CAPZB: variants seen among roughly 807,000 people sequenced by gnomAD.
CAPZB encodes capping actin protein of muscle Z-line subunit beta.
Under a neutral mutation model 38.1 loss-of-function variants are expected in CAPZB, and 2 were observed. That is an observed-to-expected ratio of 0.05 (90% CI 0.02 to 0.17). The LOEUF is 0.17. Ranked by LOEUF, CAPZB falls within the 10% of genes least tolerant of loss-of-function variation. CAPZB has a pLI of 1.00. For synonymous variants in CAPZB, 107 were observed against 127.4 expected (o/e 0.84, Z 1.08); for missense variants, 161 against 334.2 (o/e 0.48, Z 4.04).
chr1:19,403,613 A>AT (rs2094314918), intron 2 of CAPZB, among the ~76,000 whole-genome samples: 1 of 152,236 alleles, frequency 6.6e-6, no homozygotes, highest in Non-Finnish European at 1.5e-5. Flanking sequence ...TCCGAAGTGC[A>AT]TTTTGGCAAG....
At chr1:19,471,338 T>G (rs2094586234) in intron 1 of CAPZB, among the ~76,000 whole-genome samples, 1 of 152,184 alleles carries the variant, frequency 6.6e-6, no homozygotes, top group South Asian at 2.1e-4. Context: ...CCCTTTAGAT[T>G]CTGACATGTA....
intron 1 of CAPZB, among the ~76,000 whole-genome samples, chr1:19,462,294 TAC>T (rs2094554417): frequency 1.1e-5 from 1 of 90,634 alleles, no homozygotes. Flanking sequence ...CTACTAAAAA[TAC>T]AAAAAAAAAA....
intron 2 of CAPZB, among the ~76,000 whole-genome samples, chr1:19,392,405 C>CAAGT (rs758373509): frequency 6.6e-6 from 1 of 151,684 alleles, no homozygotes; most frequent in Non-Finnish European, 1.5e-5. Context: ...GCCACTGAGG[C>CAAGT]AAGTGCAAGA....
intron 6 of CAPZB, among the ~76,000 whole-genome samples, chr1:19,353,454 C>A (rs1170093364): frequency 6.6e-6 from 1 of 152,078 alleles, no homozygotes; most frequent in Admixed American, 6.5e-5. Flanking sequence ...GAATGCCCCC[C>A]AGCCTGCCCC....
intron 4 of CAPZB, among the ~76,000 whole-genome samples, chr1:19,358,954 T>A (rs1483241649): frequency 6.6e-6 from 1 of 152,250 alleles, no homozygotes; most frequent in Non-Finnish European, 1.5e-5. Flanking sequence ...GTTATGCTCA[T>A]GCATGCATGC....
In CAPZB at chr1:19,356,615, C is replaced by T; in HGVS notation, c.588+20G>A. 6.5e-7 allele frequency: 1 copy of T among 1,547,788 alleles called. No homozygotes were observed. The highest frequency in any genetic ancestry group is 8.9e-7 in the Non-Finnish European group (1 of 1,119,416). ...AGCACCTGTGGGCACTGGCAAGTGGCTATGAGCGGGTAACTCTACCTGTCT... is the reference window on the plus strand; with the variant it reads ...AGCACCTGTGGGCACTGGCAAGTGGTTATGAGCGGGTAACTCTACCTGTCT... On this transcript the variant is annotated intron_variant, in intron 6 of 8. Coordinates refer to ENST00000264202, the MANE Select transcript of CAPZB (RefSeq NM_004930.5). The surrounding 1 kb of genome is among the most constrained non-coding windows in gnomAD (Gnocchi z 4.3).
At chr1:19,363,451 C>A (rs888582671) in intron 4 of CAPZB, among the ~76,000 whole-genome samples, 3 of 151,860 alleles carry the variant, frequency 2.0e-5, no homozygotes, top group African/African-American at 4.8e-5. Flanking sequence ...AGTTTTAGGT[C>A]GTTTCTCCCT....
At position 19,420,673 on chromosome 1, in the gene CAPZB, G is replaced by A. The variant is rs552673661; in HGVS notation, c.4-923C>T. ...CTTGAACTCCTGGGCTCAAGCAGTC[G>A]AACTGCCTTGGCCTCCCAAAGTGCC... On this transcript the variant is annotated intron_variant, in intron 1 of 8. Transcript: ENST00000264202. Among the ~76,000 whole-genome samples the A allele has an allele frequency of 4.3e-3, 661 of 151,970 alleles. 3 individuals carry two copies. The highest frequency in any genetic ancestry group is 0.014 in the African/African-American group (586 of 41,430).
Position 19,423,939 on chromosome 1 carries a change from A to G in CAPZB, c.4-4189T>C, listed in dbSNP as rs564216094. On this transcript the variant is annotated intron_variant, in intron 1 of 8. Transcript: ENST00000264202. ...CGATCCGCCCACCTCGGCCTCCCAAAGTGCTGGGATTACAGGCATGAGCCA... is the reference window on the plus strand; with the variant it reads ...CGATCCGCCCACCTCGGCCTCCCAAGGTGCTGGGATTACAGGCATGAGCCA... Among the ~76,000 whole-genome samples, 135 of 152,168 alleles carry G rather than the reference A, an allele frequency of 8.9e-4. 1 individual carries two copies. The highest frequency in any genetic ancestry group is 3.1e-3 in the African/African-American group (130 of 41,500).
intron 4 of CAPZB, among the ~76,000 whole-genome samples, chr1:19,373,533 CTCCGG>C: frequency 6.6e-6 from 1 of 152,246 alleles, no homozygotes; most frequent in Non-Finnish European, 1.5e-5. Flanking sequence ...AGATTTTTCT[CTCCGG>C]TGGCAGAGGG....
chr1:19,485,229 G>A (rs2094646990), intron 1 of CAPZB, among the ~76,000 whole-genome samples: 1 of 152,138 alleles, frequency 6.6e-6, no homozygotes, highest in Admixed American at 6.5e-5. Context: ...CGGGGGCTGG[G>A]AGCGGGGGCA....
chr1:19,413,680 A>T (rs12030205), intron 2 of CAPZB, among the ~76,000 whole-genome samples: 46,393 of 152,044 alleles, frequency 0.31, 7,307 homozygotes, highest in Middle Eastern at 0.39. Context: ...AGGACGAAAA[A>T]TGCTGGTCTG....
intron 1 of CAPZB, among the ~76,000 whole-genome samples, chr1:19,482,972 G>A (rs2094635245): frequency 6.6e-6 from 1 of 152,174 alleles, no homozygotes; most frequent in Non-Finnish European, 1.5e-5. Context: ...TGAAATCCAA[G>A]CAGGTAAGTT....
intron 4 of CAPZB, among the ~76,000 whole-genome samples, chr1:19,365,066 A>C (rs2094075968): frequency 6.6e-6 from 1 of 151,482 alleles, no homozygotes; most frequent in Non-Finnish European, 1.5e-5. Flanking sequence ...CAGGTCTTGA[A>C]CTCCTGGGCT....
chr1:19,448,785 C>A (rs769659539), intron 1 of CAPZB: 2 of 1,608,336 alleles, frequency 1.2e-6, no homozygotes, highest in Admixed American at 1.7e-5. Flanking sequence ...CTGATGGCCA[C>A]GGCCACCTGT....
intron 2 of CAPZB, among the ~76,000 whole-genome samples, chr1:19,403,694 C>T (rs1367885603): frequency 6.6e-6 from 1 of 152,222 alleles, no homozygotes; most frequent in African/African-American, 2.4e-5. Flanking sequence ...TATAACACTC[C>T]AGTAATGCAG....
intron 3 of CAPZB, among the ~76,000 whole-genome samples, chr1:19,384,188 C>T (rs78655017): frequency 0.012 from 1,813 of 152,310 alleles, 33 homozygotes; most frequent in African/African-American, 0.041. Context: ...CTCAGCCTGG[C>T]CTTCAAGACC....
At chr1:19,457,337 C>T (rs2094536099) in intron 1 of CAPZB, among the ~76,000 whole-genome samples, 2 of 152,156 alleles carry the variant, frequency 1.3e-5, no homozygotes, top group Non-Finnish European at 2.9e-5. Flanking sequence ...AGACAAGGTC[C>T]GCAGTGCTCG....
intron 1 of CAPZB, among the ~76,000 whole-genome samples, chr1:19,472,463 C>T (rs1299139049): frequency 1.3e-5 from 2 of 152,184 alleles, no homozygotes; most frequent in African/African-American, 4.8e-5. Context: ...AAGGAACCAG[C>T]TGGTCCTGAG....
Sources: gnomAD v4.1 joint callset for allele counts (sites outside exome capture counted in the v4.1 genomes callset) on GRCh38, gnomAD v4.1.1 for gene constraint, Gnocchi (gnomAD v3.1) non-coding constraint, MANE v1.5 for transcripts, NCBI Gene and HGNC (gene_info 2026-07-23, HGNC 2026-07-21) for gene names.